Variants in OSBPL3 observed in about 807,000 individuals in gnomAD.
The protein encoded by OSBPL3 is oxysterol binding protein like 3.
In OSBPL3, 65 loss-of-function variants were observed where a neutral mutation model predicts 120.1. The observed-to-expected ratio is 0.54, with a 90% CI of 0.44 to 0.67. The LOEUF (loss-of-function observed/expected upper bound fraction) is 0.67. Among genes scored for constraint, OSBPL3 ranks in the 30% least tolerant of loss-of-function variants. The probability of loss-of-function intolerance (pLI) is 0.00; values close to 1 mark genes in which losing one functional copy is unlikely to be tolerated. For missense variants in OSBPL3, 1,004 were observed against 1,082.1 expected (o/e 0.93, Z 1.01); for synonymous variants, 416 against 402.6 (o/e 1.03, Z -0.40).
intron 16 of OSBPL3, among the ~76,000 whole-genome samples, chr7:24,825,997 G>C (rs1795661313): frequency 6.6e-6 from 1 of 152,170 alleles, no homozygotes; most frequent in Admixed American, 6.5e-5. Flanking sequence ...TTAGACTGTA[G>C]CTTAATTGCA....
chr7:24,943,173 G>A (rs1348416150), intron 1 of OSBPL3, among the ~76,000 whole-genome samples: 10 of 152,142 alleles, frequency 6.6e-5, no homozygotes, highest in Non-Finnish European at 1.2e-4. Context: ...CAGCCCAGGG[G>A]TTCGTGAATT....
rs116357491 is a variant in OSBPL3, at chr7:24,813,167, T to C, written c.2172+1892A>G. Among the ~76,000 whole-genome samples the C allele has an allele frequency of 0.011, 1,649 of 152,256 alleles. 25 individuals carry two copies. The highest frequency in any genetic ancestry group is 0.038 in the African/African-American group (1,567 of 41,542). Reference sequence around the variant, plus strand: ...GTGCTGGGATTACAGGTGTGAGCCATGGCACCCGGGCTCTTAAGTTTATTC... The same window carrying C: ...GTGCTGGGATTACAGGTGTGAGCCACGGCACCCGGGCTCTTAAGTTTATTC... On this transcript the variant is annotated intron_variant, in intron 19 of 22. Coordinates refer to ENST00000313367, the MANE Select transcript of OSBPL3 (RefSeq NM_015550.4). The surrounding 1 kb of genome is among the most constrained non-coding windows in gnomAD (Gnocchi z 4.5).
At chr7:24,973,659 G>C (rs573181092) in intron 1 of OSBPL3, among the ~76,000 whole-genome samples, 21 of 152,254 alleles carry the variant, frequency 1.4e-4, no homozygotes, top group African/African-American at 4.6e-4. Context: ...TATTATAAAA[G>C]AATTTTTAAA....
At position 24,947,784 on chromosome 7, in the gene OSBPL3, A is replaced by T. The variant is rs1813903760; in HGVS notation, c.-150+32102T>A. On this transcript the variant is annotated intron_variant, in intron 1 of 22. Transcript: ENST00000313367. The surrounding 1 kb of genome is among the most constrained non-coding windows in gnomAD (Gnocchi z 4.4). ...ACATACATATCCAATTAAATCACAC[A>T]CACACACACACACACACACACACAC... 6.7e-6 allele frequency among the ~76,000 whole-genome samples: 1 copy of T among 149,438 alleles called. No individual in the cohort carries two copies. The highest frequency in any genetic ancestry group is 1.5e-5 in the Non-Finnish European group (1 of 67,062).
At chr7:24,868,894 T>C (rs1369503937) in intron 5 of OSBPL3, among the ~76,000 whole-genome samples, 1 of 152,188 alleles carries the variant, frequency 6.6e-6, no homozygotes, top group Non-Finnish European at 1.5e-5. Flanking sequence ...TTAAACAAGG[T>C]AGAAGAATAA....
chr7:24,920,565 C>G (rs1273766873), intron 1 of OSBPL3, among the ~76,000 whole-genome samples: 1 of 152,112 alleles, frequency 6.6e-6, no homozygotes, highest in African/African-American at 2.4e-5. Context: ...GGTAACATGA[C>G]TCTGAATATA....
intron 1 of OSBPL3, among the ~76,000 whole-genome samples, chr7:24,951,861 C>T (rs1182997187): frequency 1.3e-5 from 2 of 152,194 alleles, no homozygotes; most frequent in Non-Finnish European, 2.9e-5. Flanking sequence ...AAAATCACAA[C>T]ACCCACGGTA....
rs912938743 is a variant in OSBPL3, at chr7:24,912,674, T to A, written c.-149-20053A>T. Among the ~76,000 whole-genome samples, 1 of 152,232 alleles carries A rather than the reference T, an allele frequency of 6.6e-6. No homozygotes were observed. The highest frequency in any genetic ancestry group is 1.5e-5 in the Non-Finnish European group (1 of 68,038). On this transcript the variant is annotated intron_variant, in intron 1 of 22. Transcript: ENST00000313367. This position sits in a 1 kb window ranked among gnomAD's most constrained non-coding sequence, Gnocchi z 4.5. ...GGCTTATTTATGGCTTAGAGCAAGC[T>A]GATGCCAGTTCTGATTCATCATTAC...
Position 24,798,272 on chromosome 7 carries a change from T to C in OSBPL3, c.*1911A>G, listed in dbSNP as rs890795773. Reference sequence around the variant, plus strand: ...CTGTGCATTTTGTTTTCGTTGCTTCTTTCTTTTTTGAGCCAGTCTCTGGAG... The same window carrying C: ...CTGTGCATTTTGTTTTCGTTGCTTCCTTCTTTTTTGAGCCAGTCTCTGGAG... On this transcript the variant is annotated 3_prime_UTR_variant, in exon 23 of 23. Coordinates refer to ENST00000313367, the MANE Select transcript of OSBPL3 (RefSeq NM_015550.4). This position sits in a 1 kb window ranked among gnomAD's most constrained non-coding sequence, Gnocchi z 4.6. 4 of 152,244 alleles carry C rather than the reference T, an allele frequency of 2.6e-5. No homozygotes were observed. Among genetic ancestry groups the C allele is most frequent in the African/African-American group, 9.6e-5 (4 of 41,468 alleles). 9.4% of individuals were successfully genotyped at this position (152,244 alleles called of 1,614,324 possible).
intron 1 of OSBPL3, among the ~76,000 whole-genome samples, chr7:24,928,193 T>G (rs1390407060): frequency 3.4e-5 from 3 of 87,062 alleles, no homozygotes; most frequent in Admixed American, 1.1e-4. Flanking sequence ...CCTTCCTTTT[T>G]GTTTTTTTTT....
At chr7:24,927,558 A>T (rs1292445401) in intron 1 of OSBPL3, among the ~76,000 whole-genome samples, 1 of 152,226 alleles carries the variant, frequency 6.6e-6, no homozygotes, top group African/African-American at 2.4e-5. Context: ...ATTACTGCTT[A>T]AGTTGGCAAA....
At chr7:24,924,153 A>G (rs1810747145) in intron 1 of OSBPL3, among the ~76,000 whole-genome samples, 1 of 152,230 alleles carries the variant, frequency 6.6e-6, no homozygotes, top group Admixed American at 6.5e-5. Context: ...AAATACGTTT[A>G]CTTCATGTGG....
chr7:24,848,918 A>G (rs1017311490), intron 12 of OSBPL3, 151 bp downstream of exon 12: 2 of 589,998 alleles, frequency 3.4e-6, no homozygotes, highest in Admixed American at 3.1e-5. Flanking sequence ...ACCCCAGTCC[A>G]TGACCTAGCT....
chr7:24,862,196 T>C lies in OSBPL3; in HGVS notation c.871-427A>G, dbSNP rs559739568. ...CCACCGCGCCCAGCCTAGGTAGGTC[T>C]TTCTACTGAGTGATAACTTATTTTA... On this transcript the variant is annotated intron_variant, in intron 9 of 22. Coordinates refer to ENST00000313367, the MANE Select transcript of OSBPL3 (RefSeq NM_015550.4). This position sits in a 1 kb window ranked among gnomAD's most constrained non-coding sequence, Gnocchi z 4.4. 2.6e-5 allele frequency among the ~76,000 whole-genome samples: 4 copies of C among 152,316 alleles called. No homozygotes were observed. In the South Asian group the frequency reaches 6.2e-4, roughly 24 times the overall value.
intron 16 of OSBPL3, among the ~76,000 whole-genome samples, chr7:24,829,987 G>A (rs10254138): frequency 0.021 from 3,259 of 152,196 alleles, 135 homozygotes; most frequent in African/African-American, 0.075. Flanking sequence ...ACAAAACCAC[G>A]TGAGGTACAT....
At position 24,865,424 on chromosome 7, in the gene OSBPL3, G is replaced by C; in HGVS notation, c.591C>G (p.Ser197Arg). The change falls in exon 7 of 23, where the codon AGC (serine) becomes AGG (arginine). Residue 197 changes from serine to arginine, a missense_variant. Coordinates refer to ENST00000313367, the MANE Select transcript of OSBPL3 (RefSeq NM_015550.4). ...ISKQNLFQTG[S>R]NVSFSCGGET... ...CACCACCACAAGAAAATGATACATT[G>C]CTTCCAGTTTGAAATAAATTCTGCT... 6.2e-7 allele frequency: 1 copy of C among 1,613,080 alleles called. No individual in the cohort carries two copies. The highest frequency in any genetic ancestry group is 1.3e-5 in the African/African-American group (1 of 75,022).
rs1009264673 is a variant in OSBPL3 at position 24,922,430 on chromosome 7, A to T, written c.-149-29809T>A. 3.3e-5 allele frequency among the ~76,000 whole-genome samples: 5 copies of T among 152,072 alleles called. No individual in the cohort carries two copies. Among genetic ancestry groups the T allele is most frequent in the Non-Finnish European group, 5.9e-5 (4 of 68,006 alleles). Reference sequence around the variant, plus strand: ...AGGGGAATTGTATGGCTGAGTGACCAGCGTGGGAGGGAAATTAAGTTTTCG... The same window carrying T: ...AGGGGAATTGTATGGCTGAGTGACCTGCGTGGGAGGGAAATTAAGTTTTCG... On this transcript the variant is annotated intron_variant, in intron 1 of 22. Coordinates refer to ENST00000313367, the MANE Select transcript of OSBPL3 (RefSeq NM_015550.4). This position sits in a 1 kb window ranked among gnomAD's most constrained non-coding sequence, Gnocchi z 4.3.
At chr7:24,950,488 C>T (rs999525737) in intron 1 of OSBPL3, among the ~76,000 whole-genome samples, 7 of 151,654 alleles carry the variant, frequency 4.6e-5, no homozygotes, top group Non-Finnish European at 5.9e-5. Context: ...TTTGGGAGGC[C>T]GAGGCGGGCG....
At chr7:24,801,208 C>T (rs1036872075) in intron 22 of OSBPL3, among the ~76,000 whole-genome samples, 91 of 132,684 alleles carry the variant, frequency 6.9e-4, no homozygotes, top group African/African-American at 2.4e-3. Flanking sequence ...CACGGCACTG[C>T]ACTCCAGCCT....
Sources: gnomAD v4.1 joint callset for allele counts (sites outside exome capture counted in the v4.1 genomes callset) on GRCh38, gnomAD v4.1.1 for gene constraint, Gnocchi (gnomAD v3.1) non-coding constraint, MANE v1.5 for transcripts, NCBI Gene and HGNC (gene_info 2026-07-23, HGNC 2026-07-21) for gene names.